The following LIMD1 variants were observed in gnomAD, a reference collection of about 807,000 sequenced individuals.
LIMD1 encodes the protein LIM domain-containing protein 1.
A neutral mutation model predicts 58.4 loss-of-function variants in LIMD1; 23 were observed. The ratio of observed to expected loss-of-function variants is 0.39; its 90% confidence interval spans 0.28 to 0.56. The LOEUF is 0.56. Among genes scored for constraint, LIMD1 ranks in the 20% least tolerant of loss-of-function variants. LIMD1 has a pLI of 0.57. For synonymous variants in LIMD1, 334 were observed against 345.5 expected, an observed-to-expected ratio of 0.97 and a Z score of 0.37; for missense variants, 838 against 855.5, an observed-to-expected ratio of 0.98 and a Z score of 0.25.
At chr3:45,615,511 T>C (rs1209186454) in intron 1 of LIMD1, among the ~76,000 whole-genome samples, 3 of 152,256 alleles carry the variant, frequency 2.0e-5, no homozygotes, top group African/African-American at 7.2e-5. Context: ...CCCAGCACTT[T>C]GGGAGGCTGA....
intron 1 of LIMD1, among the ~76,000 whole-genome samples, chr3:45,614,967 A>T (rs1701563025): frequency 6.6e-6 from 1 of 152,118 alleles, no homozygotes; most frequent in East Asian, 1.9e-4. Context: ...TTTGTTGTAG[A>T]TTTGGGGACT....
chr3:45,637,287 T>TG, intron 2 of LIMD1, among the ~76,000 whole-genome samples: 1 of 151,600 alleles, frequency 6.6e-6, no homozygotes, highest in South Asian at 2.1e-4. Flanking sequence ...TATTAATTTT[T>TG]TTTTTTTTTT....
At position 45,628,474 on chromosome 3, in the gene LIMD1, A is replaced by G. The variant is rs191952375; in HGVS notation, c.1409-7676A>G. Among the ~76,000 whole-genome samples, 129 of 152,382 alleles carry G rather than the reference A, an allele frequency of 8.5e-4. 1 individual carries two copies. Among genetic ancestry groups the G allele is most frequent in the South Asian group, 3.7e-3 (18 of 4,832 alleles). On this transcript the variant is annotated intron_variant, in intron 1 of 7. Coordinates refer to ENST00000273317, the MANE Select transcript of LIMD1 (RefSeq NM_014240.3). Reference sequence around the variant, plus strand: ...GAGATGCTACTGTATAACCTATTACAATAGAATGGATAACATTTAAAAGAC... The same window carrying G: ...GAGATGCTACTGTATAACCTATTACGATAGAATGGATAACATTTAAAAGAC...
chr3:45,599,672 G>A (rs574055988), intron 1 of LIMD1, among the ~76,000 whole-genome samples: 1 of 152,330 alleles, frequency 6.6e-6, no homozygotes, highest in South Asian at 2.1e-4. Context: ...GGTCACCTAA[G>A]CAGCCCTCAC....
intron 1 of LIMD1, among the ~76,000 whole-genome samples, chr3:45,604,545 C>T (rs530507450): frequency 1.7e-4 from 26 of 152,306 alleles, no homozygotes; most frequent in African/African-American, 6.3e-4. Flanking sequence ...TGGATTCACA[C>T]TCCTCTCACT....
At chr3:45,656,687 T>G (rs1204432431) in intron 2 of LIMD1, among the ~76,000 whole-genome samples, 1 of 151,946 alleles carries the variant, frequency 6.6e-6, no homozygotes, top group Non-Finnish European at 1.5e-5. Context: ...CCAGCTGGTT[T>G]TTGTATTTTT....
At chr3:45,627,530 C>T (rs561359261) in intron 1 of LIMD1, among the ~76,000 whole-genome samples, 155 of 152,234 alleles carry the variant, frequency 1.0e-3, no homozygotes, top group African/African-American at 3.6e-3. Flanking sequence ...GTGGCTCACA[C>T]GTGTAATCCC....
At chr3:45,629,426 A>AAAAG (rs1553644099) in intron 1 of LIMD1, among the ~76,000 whole-genome samples, 63 of 148,326 alleles carry the variant, frequency 4.2e-4, no homozygotes, top group African/African-American at 1.4e-3. Flanking sequence ...AAAAAAAAAA[A>AAAAG]AAAAGAAAAG....
chr3:45,623,294 C>T (rs535149909), intron 1 of LIMD1, among the ~76,000 whole-genome samples: 2 of 152,260 alleles, frequency 1.3e-5, no homozygotes, highest in East Asian at 3.9e-4. Context: ...AGGGTATAAC[C>T]AGAGGCTGCA....
At chr3:45,629,818 C>A (rs1194487822) in intron 1 of LIMD1, among the ~76,000 whole-genome samples, 1 of 152,194 alleles carries the variant, frequency 6.6e-6, no homozygotes, top group African/African-American at 2.4e-5. Flanking sequence ...AGCCTGTATG[C>A]TCCCCTAGAG....
At chr3:45,629,154 C>G (rs1374492020) in intron 1 of LIMD1, among the ~76,000 whole-genome samples, 1 of 152,006 alleles carries the variant, frequency 6.6e-6, no homozygotes, top group African/African-American at 2.4e-5. Context: ...TGGTTCACGC[C>G]TGTATTCCCA....
intron 2 of LIMD1, among the ~76,000 whole-genome samples, chr3:45,638,029 A>AAAT (rs869088442): frequency 0.015 from 1 of 66 alleles, no homozygotes; most frequent in Non-Finnish European, 0.029. Flanking sequence ...TTGATGGTAC[A>AAAT]ACACATTCTT....
Position 45,595,482 on chromosome 3 carries a change from C to T in LIMD1, c.603C>T (p.Gly201=), listed in dbSNP as rs576671456. ...GDKPGVSPSI[G]LSVGSGWPSS... ...AACCAGGAGTGTCCCCCAGCATCGG[C>T]CTGAGTGTAGGGAGTGGGTGGCCTA... Residue 201 remains glycine (G), a synonymous_variant, in exon 1 of 8, where the codon GGC becomes GGT. Transcript: ENST00000273317. The T allele has an allele frequency of 1.5e-5, 25 of 1,613,934 alleles. No individual in the cohort carries two copies. The South Asian group carries it at 1.8e-4, about 11-fold the overall frequency.
At chr3:45,629,328 G>A (rs767230987) in intron 1 of LIMD1, among the ~76,000 whole-genome samples, 6 of 149,646 alleles carry the variant, frequency 4.0e-5, no homozygotes, top group Non-Finnish European at 7.4e-5. Flanking sequence ...CAGGAGAATC[G>A]CTTGAACCCA....
At chr3:45,647,564 C>T (rs1701919681) in intron 2 of LIMD1, among the ~76,000 whole-genome samples, 1 of 152,220 alleles carries the variant, frequency 6.6e-6, no homozygotes, top group Non-Finnish European at 1.5e-5. Flanking sequence ...CAATGGTCAC[C>T]ATTGGTGGCA....
Position 45,597,077 on chromosome 3 carries a change from T to G in LIMD1, c.1408+790T>G, listed in dbSNP as rs559271514. Among the ~76,000 whole-genome samples, 344 of 151,984 alleles carry G rather than the reference T, an allele frequency of 2.3e-3. 1 individual carries two copies. Among genetic ancestry groups the G allele is most frequent in the Non-Finnish European group, 4.0e-3 (270 of 67,960 alleles). The stretch of plus-strand genomic sequence containing the variant: ...GGGTTTCACTGCGCTAGCCAGGATG[T>G]TCTCAATCTCCTGACCTCGTGATCC... On this transcript the variant is annotated intron_variant, in intron 1 of 7. Coordinates refer to ENST00000273317, the MANE Select transcript of LIMD1 (RefSeq NM_014240.3).
chr3:45,594,802 C>CACACACACACACACACACGGCACCTGG lies in LIMD1; in HGVS notation c.-60_-59insGGCACCTGGACACACACACACACACAC, dbSNP rs1559510610. ...CAACACACACACACACACACACACA[C>CACACACACACACACACACGGCACCTGG]ACACACACACACACACACACACACA... On this transcript the variant is annotated 5_prime_UTR_variant, in exon 1 of 8. Coordinates refer to ENST00000273317, the MANE Select transcript of LIMD1 (RefSeq NM_014240.3). 9 of 193,340 alleles carry CACACACACACACACACACGGCACCTGG rather than the reference C, an allele frequency of 4.7e-5. No homozygotes were observed. Among genetic ancestry groups the CACACACACACACACACACGGCACCTGG allele is most frequent in the African/African-American group, 2.6e-4 (8 of 30,266 alleles). The allele number at this position is 193,340 out of a possible 1,614,324, so 12.0% of individuals were successfully genotyped here.
At chr3:45,602,105 G>A (rs984270195) in intron 1 of LIMD1, among the ~76,000 whole-genome samples, 1 of 152,116 alleles carries the variant, frequency 6.6e-6, no homozygotes, top group African/African-American at 2.4e-5. Context: ...ACCACGCCCA[G>A]CTAATTTTTT....
intron 1 of LIMD1, among the ~76,000 whole-genome samples, chr3:45,618,772 A>G (rs1373806576): frequency 1.3e-5 from 2 of 152,142 alleles, no homozygotes; most frequent in South Asian, 2.1e-4. Context: ...ATCTGAACCC[A>G]GTGCTTATAC....
Sources: allele counts gnomAD v4.1 joint callset (sites outside exome capture counted in the v4.1 genomes callset), GRCh38; gene constraint gnomAD v4.1.1; transcripts MANE v1.5; gene names NCBI Gene and HGNC (gene_info 2026-07-23, HGNC 2026-07-21).